SF3B2: variants seen among roughly 807,000 people sequenced by gnomAD.
SF3B2 encodes the protein SAP 145.
SF3B2 carries 22 observed loss-of-function variants against 116.3 expected under a neutral mutation model. That is an observed-to-expected ratio of 0.19 (90% CI 0.14 to 0.27). SF3B2 has a LOEUF of 0.27. Ranked by LOEUF, SF3B2 falls within the 10% of genes least tolerant of loss-of-function variation. The pLI is 1.00. For missense variants in SF3B2, 767 were observed against 1,151.4 expected (o/e 0.67, Z 4.83); for synonymous variants, 406 against 421.6 (o/e 0.96, Z 0.45).
Position 66,068,198 on chromosome 11 carries a change from G to A in SF3B2, c.2481G>A (p.Ala827=), listed in dbSNP as rs371699615. The change falls in exon 21 of 22, where the codon GCG becomes GCA. Residue 827 remains alanine (A), a synonymous_variant. Coordinates refer to ENST00000322535, the MANE Select transcript of SF3B2 (RefSeq NM_006842.3). ...PAPELQGVEV[A]LAPEELELDP... Reference sequence around the variant, plus strand: ...CTGAGCTGCAAGGTGTGGAAGTGGCGCTGGCGCCTGAAGAGTTGGAGCTGG... The same window carrying A: ...CTGAGCTGCAAGGTGTGGAAGTGGCACTGGCGCCTGAAGAGTTGGAGCTGG... The A allele has an allele frequency of 8.1e-6, 13 of 1,614,120 alleles. No homozygotes were observed. The highest frequency in any genetic ancestry group is 4.0e-5 in the African/African-American group (3 of 74,944).
chr11:66,068,991 C>A lies in SF3B2; in HGVS notation c.*246C>A. The A allele has an allele frequency of 2.1e-6, 1 of 481,330 alleles. No homozygotes were observed. The highest frequency in any genetic ancestry group is 3.8e-6 in the Non-Finnish European group (1 of 262,026). The allele number at this position is 481,330 out of a possible 1,614,324, so 29.8% of individuals were successfully genotyped here. On this transcript the variant is annotated 3_prime_UTR_variant, in exon 22 of 22. Transcript: ENST00000322535. Reference sequence around the variant, plus strand: ...CTCTTTCTACAATCACTGGGCTGCCCCAGTAACCACGAACATAAACTGGGA... The same window carrying A: ...CTCTTTCTACAATCACTGGGCTGCCACAGTAACCACGAACATAAACTGGGA...
In SF3B2 at chr11:66,055,307, G is replaced by A; in HGVS notation, c.490G>A (p.Ala164Thr). 6.2e-7 allele frequency: 1 copy of A among 1,612,166 alleles called. No homozygotes were observed. The highest frequency in any genetic ancestry group is 8.5e-7 in the Non-Finnish European group (1 of 1,179,366). Reference protein sequence around the residue: ...AALLMQQEERAKQQGDHSLKE... With the variant: ...AALLMQQEERTKQQGDHSLKE... ...ATTGCTGATGCAGCAGGAGGAGCGTGCCAAGCAGGTAGGGCAGGTGGCAGC... is the reference window on the plus strand; with the variant it reads ...ATTGCTGATGCAGCAGGAGGAGCGTACCAAGCAGGTAGGGCAGGTGGCAGC... Residue 164 changes from alanine (A) to threonine (T), a missense_variant, in exon 4 of 22, where the codon GCC becomes ACC. Physicochemically the swap from Ala to Thr is moderately conservative, Grantham distance 58. Transcript: ENST00000322535.
In SF3B2 at chr11:66,063,481, G is replaced by A; in HGVS notation, c.2167G>A (p.Glu723Lys). The A allele has an allele frequency of 1.2e-6, 2 of 1,614,198 alleles. No individual in the cohort carries two copies. Among genetic ancestry groups the A allele is most frequent in the Non-Finnish European group, 1.7e-6 (2 of 1,180,014 alleles). Reference protein sequence around the residue: ...PSDEESSEEEEEEESDEDKPD... With the variant: ...PSDEESSEEEKEEESDEDKPD... ...TGATGAAGAATCCTCAGAAGAAGAG[G>A]AAGAGGAAGAAAGTGATGAAGACAA... The change falls in exon 18 of 22, where the codon GAA becomes AAA. Residue 723 changes from glutamate to lysine, a missense_variant. Physicochemically the swap from Glu to Lys is moderately conservative, Grantham distance 56. This residue lies in a region of SF3B2 where 282 missense variants were observed against 568.0 expected (regional missense o/e 0.50). Coordinates refer to ENST00000322535, the MANE Select transcript of SF3B2 (RefSeq NM_006842.3).
At chr11:66,065,373 G>A (rs2135056459) in intron 19 of SF3B2, 1 of 152,306 alleles carries the variant, frequency 6.6e-6, no homozygotes, top group Non-Finnish European at 1.5e-5. Flanking sequence ...TGTACATAAT[G>A]TGTCATTTTT....
chr11:66,057,034 AT>A, intron 6 of SF3B2, 79 bp downstream of exon 6: 1 of 1,079,608 alleles, frequency 9.3e-7, no homozygotes. Flanking sequence ...TATCTATCAC[AT>A]TTAAAAAGGG....
At chr11:66,058,013 G>A (rs754613234) in intron 7 of SF3B2, 41 bp from the exon 8 acceptor site, 1 of 1,366,308 alleles carries the variant, frequency 7.3e-7, no homozygotes, top group Non-Finnish European at 1.0e-6. Flanking sequence ...AAAGAAAAAG[G>A]GCACTGTGAT....
In SF3B2 at chr11:66,068,755, C is replaced by T. The variant is rs999664444; in HGVS notation, c.*10C>T. On this transcript the variant is annotated 3_prime_UTR_variant, in exon 22 of 22. Coordinates refer to ENST00000322535, the MANE Select transcript of SF3B2 (RefSeq NM_006842.3). ...GGAGTTCAAGTTTTAGGTCCCCTCA[C>T]ACTAGCCCTTTTTTTGGCCCTACGT... The T allele has an allele frequency of 6.2e-7, 1 of 1,612,300 alleles. No individual in the cohort carries two copies. The highest frequency in any genetic ancestry group is 8.5e-7 in the Non-Finnish European group (1 of 1,178,750).
intron 1 of SF3B2, 51 bp from the exon 2 acceptor site, chr11:66,052,622 C>A (rs938682144): frequency 6.3e-7 from 1 of 1,594,328 alleles, no homozygotes; most frequent in Non-Finnish European, 8.5e-7. Context: ...CCGCTGGGGC[C>A]TGACCTGGCC....
At chr11:66,068,622 G>C in intron 21 of SF3B2, 52 bp from the exon 22 acceptor site, 1 of 1,526,588 alleles carries the variant, frequency 6.6e-7, no homozygotes, top group Non-Finnish European at 9.1e-7. Context: ...TGTTTTGGGG[G>C]TCCGGGGGTG....
chr11:66,052,665 C>T lies in SF3B2; in HGVS notation c.134-8C>T, dbSNP rs1259710513. 4.4e-6 allele frequency: 7 copies of T among 1,595,800 alleles called. No homozygotes were observed. Among genetic ancestry groups the T allele is most frequent in the African/African-American group, 4.1e-5 (3 of 74,062 alleles). ...CCTGCCCCATTGATCGTGTACTTTG[C>T]CCTGCAGGTAATCGCGAGGAGCTGG... On this transcript the variant is annotated splice_polypyrimidine_tract_variant and splice_region_variant and intron_variant, in intron 1 of 21. Transcript: ENST00000322535.
intron 6 of SF3B2, 140 bp downstream of exon 6, chr11:66,057,095 C>T (rs1590710480): frequency 1.2e-6 from 1 of 839,410 alleles, no homozygotes; most frequent in Non-Finnish European, 2.0e-6. Context: ...CTGAACACAC[C>T]TGTACAACCA....
At chr11:66,057,641 G>A (rs1857024982) in intron 7 of SF3B2, among the ~76,000 whole-genome samples, 1 of 152,080 alleles carries the variant, frequency 6.6e-6, no homozygotes, top group Non-Finnish European at 1.5e-5. Context: ...CATCACCTGG[G>A]CAGCAGCCTT....
At chr11:66,053,488 G>T in intron 3 of SF3B2, 1 of 240,526 alleles carries the variant, frequency 4.2e-6, no homozygotes, top group South Asian at 5.3e-5. Context: ...AGACCAGCCT[G>T]GGCAACATAG....
Position 66,059,471 on chromosome 11 carries a change from T to C in SF3B2, c.1321-44T>C. ...GTTGGGGTGGGTTGGGCAGTTTCAT[T>C]CACATCTGAGTCCTGCTTAAAAGGG... is the stretch of plus-strand genomic sequence containing the variant. On this transcript the variant is annotated intron_variant, in intron 11 of 21. Coordinates refer to ENST00000322535, the MANE Select transcript of SF3B2 (RefSeq NM_006842.3). The surrounding 1 kb of genome is among the most constrained non-coding windows in gnomAD (Gnocchi z 5.0). The C allele has an allele frequency of 6.2e-7, 1 of 1,612,042 alleles. No individual in the cohort carries two copies. Among genetic ancestry groups the C allele is most frequent in the Non-Finnish European group, 8.5e-7 (1 of 1,178,230 alleles).
chr11:66,052,984 A>G, intron 2 of SF3B2, 43 bp from the exon 3 acceptor site: 25 of 1,585,958 alleles, frequency 1.6e-5, no homozygotes, highest in Non-Finnish European at 2.1e-5. Context: ...GTTTAGTGAA[A>G]CAGCTAGTTT....
chr11:66,059,340 T>A lies in SF3B2; in HGVS notation c.1320+2T>A. The A allele has an allele frequency of 6.2e-7, 1 of 1,613,704 alleles. No homozygotes were observed. Among genetic ancestry groups the A allele is most frequent in the Non-Finnish European group, 8.5e-7 (1 of 1,179,874 alleles). Reference sequence around the variant, plus strand: ...GATGACAGCAGTGATGACGAGCAGGTCAGGCCCAGCCCTCCTGGTGGGAAG... The same window carrying A: ...GATGACAGCAGTGATGACGAGCAGGACAGGCCCAGCCCTCCTGGTGGGAAG... On this transcript the variant is annotated splice_donor_variant, in intron 11 of 21. Transcript: ENST00000322535. LOFTEE classifies it high-confidence loss of function. The surrounding 1 kb of genome is among the most constrained non-coding windows in gnomAD (Gnocchi z 5.0).
At chr11:66,067,499 A>T (rs1276835497) in intron 19 of SF3B2, 1 of 456,498 alleles carries the variant, frequency 2.2e-6, no homozygotes, top group South Asian at 1.5e-5. Context: ...CCTTGAAATT[A>T]GTGGTGAAAC....
At chr11:66,057,471 G>T in intron 7 of SF3B2, 96 bp downstream of exon 7, 1 of 700,878 alleles carries the variant, frequency 1.4e-6, no homozygotes, top group Non-Finnish European at 2.6e-6. Flanking sequence ...AGAAGATGGG[G>T]GGACTTAAAT....
Position 66,058,851 on chromosome 11 carries a change from C to A in SF3B2, c.988C>A (p.Arg330=). 6.2e-7 allele frequency: 1 copy of A among 1,611,262 alleles called. No individual in the cohort carries two copies. Residue 330 remains arginine (R), a synonymous_variant, in exon 10 of 22, where the codon CGA becomes AGA. Coordinates refer to ENST00000322535, the MANE Select transcript of SF3B2 (RefSeq NM_006842.3). ...KKEKNRKRRN[R]KKKKKPQRVR... ...ACAGAAAAACCGGAAGCGTAGGAAC[C>A]GAAAGAAGAAGAAAAAGCCCCAGCG...
Sources: gnomAD v4.1 joint callset for allele counts (sites outside exome capture counted in the v4.1 genomes callset) on GRCh38, gnomAD v4.1.1 for gene constraint, gnomAD v4.1.1 regional missense constraint, Gnocchi (gnomAD v3.1) non-coding constraint, MANE v1.5 for transcripts, NCBI Gene and HGNC (gene_info 2026-07-23, HGNC 2026-07-21) for gene names.